NMNAT1: variants seen among roughly 807,000 people sequenced by gnomAD.
NMNAT1 encodes the protein nicotinamide/nicotinic acid mononucleotide adenylyltransferase 1.
In NMNAT1, 11 loss-of-function variants were observed where a neutral mutation model predicts 16.7. The observed-to-expected ratio is 0.66, with a 90% CI of 0.41 to 1.09. NMNAT1 has a LOEUF of 1.09. NMNAT1 is among the 50% of genes least tolerant of loss of function. The pLI is 0.00. For missense variants in NMNAT1, 280 were observed against 332.3 expected (o/e 0.84, Z 1.22); for synonymous variants, 110 against 119.8 (o/e 0.92, Z 0.53).
chr1:9,950,938 A>C (rs1413427669), intron 1 of NMNAT1, among the ~76,000 whole-genome samples: 1 of 151,956 alleles, frequency 6.6e-6, no homozygotes. Flanking sequence ...AAAATACCAA[A>C]ATTATCCAGG....
chr1:9,963,522 G>A (rs1209827683), intron 1 of NMNAT1, among the ~76,000 whole-genome samples: 6 of 151,490 alleles, frequency 4.0e-5, no homozygotes, highest in Admixed American at 3.3e-4. Flanking sequence ...CAATTATCCT[G>A]CCTCAGCCTC....
chr1:9,956,595 G>C (rs748863398), intron 1 of NMNAT1, among the ~76,000 whole-genome samples: 29 of 148,804 alleles, frequency 1.9e-4, no homozygotes, highest in Non-Finnish European at 2.5e-4. Flanking sequence ...CTAATATTTT[G>C]CATTTTTAGT....
intron 1 of NMNAT1, among the ~76,000 whole-genome samples, chr1:9,963,997 T>A (rs1389592793): frequency 6.6e-6 from 1 of 151,764 alleles, no homozygotes; most frequent in Non-Finnish European, 1.5e-5. Flanking sequence ...GTTCAAGTAA[T>A]TCTTGTGCCT....
At chr1:9,974,945 A>C (rs1232287181) in intron 2 of NMNAT1, among the ~76,000 whole-genome samples, 1 of 152,204 alleles carries the variant, frequency 6.6e-6, no homozygotes, top group Non-Finnish European at 1.5e-5. Flanking sequence ...ATCTAGGTGG[A>C]CAATACAAAT....
chr1:9,956,054 G>C (rs1407771884), intron 1 of NMNAT1: 1 of 151,966 alleles, frequency 6.6e-6, no homozygotes, highest in Non-Finnish European at 1.5e-5. Flanking sequence ...CTTCTCTTGA[G>C]AACCTTGGTT....
At chr1:9,972,773 CAG>C (rs1296280959) in intron 2 of NMNAT1, among the ~76,000 whole-genome samples, 1 of 152,076 alleles carries the variant, frequency 6.6e-6, no homozygotes, top group East Asian at 1.9e-4. Context: ...ACCTGGGAAA[CAG>C]AGAGAGACCT....
the NMNAT1 span, among the ~76,000 whole-genome samples, chr1:9,993,032 A>G: frequency 1.1e-4 from 16 of 152,314 alleles, no homozygotes; most frequent in African/African-American, 3.6e-4. Flanking sequence ...GGAGACACCA[A>G]ATACCAAGAC....
rs1557471659 is a variant in NMNAT1, at chr1:9,975,672, C to CGG, written c.198_199dup (p.Val67GlyfsTer31). 1 of 1,613,896 alleles carries CGG rather than the reference C, an allele frequency of 6.2e-7. No individual in the cohort carries two copies. Among genetic ancestry groups the CGG allele is most frequent in the Non-Finnish European group, 8.5e-7 (1 of 1,179,866 alleles). On this transcript the variant is annotated frameshift_variant, in exon 3 of 5. Transcript: ENST00000377205. LOFTEE classifies it high-confidence loss of function. The stretch of plus-strand genomic sequence containing the variant: ...GAAAGGACTCATTCCTGCCTATCAC[C>CGG]GGGTCATCATGGCAGAACTTGCTAC...
chr1:9,945,004 C>T (rs1262165417), intron 1 of NMNAT1, among the ~76,000 whole-genome samples: 2 of 152,118 alleles, frequency 1.3e-5, no homozygotes, highest in South Asian at 2.1e-4. Context: ...GAGGCCAAGG[C>T]GGGCAGATCA....
intron 3 of NMNAT1, among the ~76,000 whole-genome samples, chr1:9,978,371 T>A (rs1294118910): frequency 3.9e-5 from 6 of 152,008 alleles, no homozygotes; most frequent in Admixed American, 3.9e-4. Flanking sequence ...AAAAGATTAC[T>A]TGTCAGGCTC....
chr1:9,959,665 A>G (rs1335111048), intron 1 of NMNAT1, among the ~76,000 whole-genome samples: 2 of 152,078 alleles, frequency 1.3e-5, no homozygotes, highest in African/African-American at 2.4e-5. Context: ...CCTGGCGACA[A>G]CGAGACTCTG....
downstream of NMNAT1, among the ~76,000 whole-genome samples, chr1:9,985,717 C>T (rs1642037000): frequency 6.6e-6 from 1 of 152,120 alleles, no homozygotes; most frequent in Non-Finnish European, 1.5e-5. Context: ...GGCTGGAGTG[C>T]AGTGGCACAG....
chr1:9,946,012 G>A (rs887994273), intron 1 of NMNAT1, among the ~76,000 whole-genome samples: 2 of 152,072 alleles, frequency 1.3e-5, no homozygotes, highest in East Asian at 1.9e-4. Flanking sequence ...CCTTGGCCCC[G>A]CAAAGTGCCG....
At position 9,968,640 on chromosome 1, in the gene NMNAT1, G is replaced by A. The variant is rs553076522; in HGVS notation, c.-56-3378G>A. ...AAAATAATTAGCCAGGAGTGGTGGC[G>A]GGCACCTATAGTCCCAGCTACTCGG... On this transcript the variant is annotated intron_variant, in intron 1 of 4. Coordinates refer to ENST00000377205, the MANE Select transcript of NMNAT1 (RefSeq NM_022787.4). Among the ~76,000 whole-genome samples, 17 of 148,510 alleles carry A rather than the reference G, an allele frequency of 1.1e-4. No individual in the cohort carries two copies. The South Asian group carries it at 2.8e-3, about 25-fold the overall frequency.
chr1:9,952,184 C>A (rs1392690445), intron 1 of NMNAT1, among the ~76,000 whole-genome samples: 2 of 152,024 alleles, frequency 1.3e-5, no homozygotes, highest in Non-Finnish European at 2.9e-5. Context: ...CACCTGTAGT[C>A]CTAGCTACTC....
intron 1 of NMNAT1, among the ~76,000 whole-genome samples, chr1:9,963,455 TCTGGAGTGCAGTGG>T (rs1297860665): frequency 1.3e-5 from 2 of 151,792 alleles, no homozygotes; most frequent in Non-Finnish European, 2.9e-5. Context: ...TGTCCCCCAG[TCTGGAGTGCAGTGG>T]CACAATCTAG....
chr1:9,982,455 T>A lies in NMNAT1; in HGVS notation c.594T>A (p.Tyr198Ter). 6.2e-7 allele frequency: 1 copy of A among 1,614,152 alleles called. No homozygotes were observed. The highest frequency in any genetic ancestry group is 8.5e-7 in the Non-Finnish European group (1 of 1,180,034). The change falls in exon 5 of 5, where the codon TAT becomes TAA. Residue 198 changes from tyrosine (Y) to a stop codon, truncating the protein, a stop_gained. Transcript: ENST00000377205. LOFTEE classifies it high-confidence loss of function. ...GAAATGATGCTCAGAAGTTTATCTA[T>A]GAATCGGATGTGCTGTGGAAACACC... ...RAGNDAQKFI[Y>*]ESDVLWKHRS...
At chr1:9,946,734 G>A (rs1286396487) in intron 1 of NMNAT1, among the ~76,000 whole-genome samples, 1 of 152,024 alleles carries the variant, frequency 6.6e-6, no homozygotes, top group Non-Finnish European at 1.5e-5. Flanking sequence ...ATAAGTGTGG[G>A]GCCCTGATCC....
At chr1:9,947,160 C>T (rs893536208) in intron 1 of NMNAT1, among the ~76,000 whole-genome samples, 3 of 152,242 alleles carry the variant, frequency 2.0e-5, no homozygotes, top group African/African-American at 7.2e-5. Context: ...TCCTGATAGT[C>T]CCCTCAAGCC....
Sources: gnomAD v4.1 joint callset for allele counts (sites outside exome capture counted in the v4.1 genomes callset) on GRCh38, gnomAD v4.1.1 for gene constraint, MANE v1.5 for transcripts, NCBI Gene and HGNC (gene_info 2026-07-23, HGNC 2026-07-21) for gene names.